ADK: variants seen among roughly 807,000 people sequenced by gnomAD.
The protein encoded by ADK is adenosine kinase.
A neutral mutation model predicts 44.7 loss-of-function variants in ADK; 24 were observed. That is an observed-to-expected ratio of 0.54 (90% CI 0.39 to 0.76). The LOEUF (loss-of-function observed/expected upper bound fraction) is 0.76. Ranked by LOEUF, ADK falls within the 30% of genes least tolerant of loss-of-function variation. The pLI is 0.00. For missense variants in ADK, 321 were observed against 425.1 expected, an observed-to-expected ratio of 0.76 and a Z score of 2.15; for synonymous variants, 128 against 142.6, an observed-to-expected ratio of 0.90 and a Z score of 0.73.
intron 10 of ADK, among the ~76,000 whole-genome samples, chr10:74,683,477 A>G (rs750882173): frequency 6.6e-6 from 1 of 152,206 alleles, no homozygotes; most frequent in Non-Finnish European, 1.5e-5. Context: ...TAGATGACAA[A>G]AATTTTGTTT....
At chr10:74,260,674 T>C (rs1317765711) in intron 3 of ADK, among the ~76,000 whole-genome samples, 2 of 152,242 alleles carry the variant, frequency 1.3e-5, no homozygotes, top group Non-Finnish European at 2.9e-5. Flanking sequence ...CGTTCCTAAA[T>C]TGGTTATTTT....
chr10:74,574,166 CTTT>C (rs746368755), intron 7 of ADK, among the ~76,000 whole-genome samples: 4 of 134,904 alleles, frequency 3.0e-5, no homozygotes, highest in Admixed American at 1.5e-4. Context: ...TACTTTCTTT[CTTT>C]TTTTTTTTTT....
At position 74,176,454 on chromosome 10, in the gene ADK, T is replaced by C. The variant is rs1842340790; in HGVS notation, c.66-24310T>C. ...GAGCTGAGCTTGCCGAGGTAGACAG[T>C]GGCCACGTGACTGCTAAACCGGTTG... On this transcript the variant is annotated intron_variant, in intron 1 of 10. Transcript: ENST00000539909. The C allele has an allele frequency of 2.8e-6, 3 of 1,084,884 alleles. No homozygotes were observed. The African/African-American group carries it at 5.1e-5, about 18-fold the overall frequency. The allele number at this position is 1,084,884 out of a possible 1,614,324, so 67.2% of individuals were successfully genotyped here.
At chr10:74,244,122 G>T (rs1349119941) in intron 3 of ADK, among the ~76,000 whole-genome samples, 1 of 151,920 alleles carries the variant, frequency 6.6e-6, no homozygotes, top group Admixed American at 6.6e-5. Flanking sequence ...TTGCAACCTT[G>T]GTTCAATATT....
At chr10:74,650,806 T>G (rs1471510333) in intron 9 of ADK, among the ~76,000 whole-genome samples, 1 of 152,188 alleles carries the variant, frequency 6.6e-6, no homozygotes, top group Non-Finnish European at 1.5e-5. Context: ...TTGTGATCTG[T>G]GAACAGGCCA....
intron 9 of ADK, chr10:74,655,630 G>A (rs1278066154): frequency 2.3e-6 from 1 of 444,364 alleles, no homozygotes; most frequent in Non-Finnish European, 4.5e-6. Flanking sequence ...AGGAGGCCAA[G>A]ATAAAGGCTC....
chr10:74,409,445 A>G (rs947437282), intron 6 of ADK, among the ~76,000 whole-genome samples: 1 of 152,218 alleles, frequency 6.6e-6, no homozygotes, highest in African/African-American at 2.4e-5. Context: ...TAAACACTAT[A>G]AGTGAAAGAA....
chr10:74,524,515 C>T (rs1009130619), intron 6 of ADK, among the ~76,000 whole-genome samples: 2 of 152,168 alleles, frequency 1.3e-5, no homozygotes, highest in Non-Finnish European at 2.9e-5. Flanking sequence ...GTCTCAGTCT[C>T]ATGAGTAGCT....
At chr10:74,391,593 A>G (rs574070918) in intron 4 of ADK, among the ~76,000 whole-genome samples, 1 of 150,696 alleles carries the variant, frequency 6.6e-6, no homozygotes, top group Admixed American at 6.6e-5. Context: ...TATAGTCCCA[A>G]CTACTCAGAA....
intron 6 of ADK, among the ~76,000 whole-genome samples, chr10:74,441,632 G>A (rs747459079): frequency 9.9e-5 from 15 of 152,064 alleles, no homozygotes; most frequent in Non-Finnish European, 2.2e-4. Context: ...TATTAGAAAA[G>A]CTCCGTGACA....
chr10:74,276,524 C>A (rs189034832), intron 3 of ADK, among the ~76,000 whole-genome samples: 4 of 152,260 alleles, frequency 2.6e-5, no homozygotes, highest in Admixed American at 2.6e-4. Flanking sequence ...TCTTATAGTT[C>A]TATAGGCCAG....
At chr10:74,505,809 C>G (rs934495677) in intron 6 of ADK, among the ~76,000 whole-genome samples, 9 of 152,076 alleles carry the variant, frequency 5.9e-5, no homozygotes, top group African/African-American at 2.2e-4. Flanking sequence ...CCTTATGACC[C>G]CCTAATCTAG....
At chr10:74,338,967 T>G (rs1015647777) in intron 4 of ADK, among the ~76,000 whole-genome samples, 2 of 152,136 alleles carry the variant, frequency 1.3e-5, no homozygotes, top group Non-Finnish European at 2.9e-5. Context: ...AAAATTTCTT[T>G]TAAGAGACAG....
chr10:74,600,404 A>G lies in ADK; in HGVS notation c.788A>G (p.Lys263Arg), dbSNP rs374535167. The change falls in exon 9 of 11, where the codon AAA (lysine) becomes AGA (arginine). Residue 263 changes from lysine to arginine, a missense_variant. Transcript: ENST00000539909. ...FETKDIKEIA[K>R]KTQALPKMNS... is the part of the protein sequence containing the mutation. ...ACTAAAGACATTAAAGAGATAGCCA[A>G]AAAGACACAAGCCCTGCCAAAGATG... 6.8e-6 allele frequency: 11 copies of G among 1,610,736 alleles called. No homozygotes were observed. The highest frequency in any genetic ancestry group is 1.6e-4 in the Middle Eastern group (1 of 6,068).
At chr10:74,326,107 G>A (rs1212158418) in intron 4 of ADK, among the ~76,000 whole-genome samples, 1 of 152,070 alleles carries the variant, frequency 6.6e-6, no homozygotes, top group African/African-American at 2.4e-5. Context: ...ATGTGCTATT[G>A]AATTTGGTTT....
chr10:74,251,732 TAA>T (rs2132338231), intron 3 of ADK, among the ~76,000 whole-genome samples: 1 of 152,216 alleles, frequency 6.6e-6, no homozygotes. Flanking sequence ...TTGTAGAACA[TAA>T]GAGTTGTAAT....
At chr10:74,235,813 G>C (rs1207414158) in intron 3 of ADK, among the ~76,000 whole-genome samples, 1 of 152,206 alleles carries the variant, frequency 6.6e-6, no homozygotes, top group Non-Finnish European at 1.5e-5. Flanking sequence ...AGGCCTTTAA[G>C]AGGTGATTAG....
At chr10:74,262,556 T>A (rs1334822535) in intron 3 of ADK, among the ~76,000 whole-genome samples, 1 of 152,182 alleles carries the variant, frequency 6.6e-6, no homozygotes, top group African/African-American at 2.4e-5. Context: ...TCAAGCATGT[T>A]TATTTCTAGT....
intron 9 of ADK, among the ~76,000 whole-genome samples, chr10:74,617,875 A>T (rs59293652): frequency 0.032 from 4,913 of 152,298 alleles, 297 homozygotes; most frequent in African/African-American, 0.11. Flanking sequence ...TACAGGTGTG[A>T]GCCACCATGC....
Sources: gnomAD v4.1 joint callset for allele counts (sites outside exome capture counted in the v4.1 genomes callset) on GRCh38, gnomAD v4.1.1 for gene constraint, MANE v1.5 for transcripts, NCBI Gene and HGNC (gene_info 2026-07-23, HGNC 2026-07-21) for gene names.